Variants in ACOT7 observed in about 807,000 individuals in gnomAD.
The protein encoded by ACOT7 is cytosolic acyl coenzyme A thioester hydrolase.
A neutral mutation model predicts 40.2 loss-of-function variants in ACOT7; 12 were observed. The observed-to-expected ratio is 0.30, with a 90% confidence interval of 0.19 to 0.48. The LOEUF (loss-of-function observed/expected upper bound fraction) is 0.48, where lower values mean the gene tolerates loss of function less well. Ranked by LOEUF, ACOT7 falls within the 20% of genes least tolerant of loss-of-function variation. The pLI, the probability that ACOT7 is intolerant of heterozygous loss-of-function variation, is 0.99. For synonymous variants in ACOT7, 228 were observed against 219.5 expected (o/e 1.04, Z -0.34); for missense variants, 395 against 530.8 (o/e 0.74, Z 2.51).
intron 3 of ACOT7, among the ~76,000 whole-genome samples, chr1:6,337,247 G>A (rs1009870303): frequency 3.3e-5 from 5 of 152,342 alleles, no homozygotes; most frequent in African/African-American, 4.8e-5. Context: ...CTGGGAGGCC[G>A]AGAAGCTCCC....
chr1:6,336,333 C>CAAAAAAAAAAAA (rs3029068), intron 3 of ACOT7, among the ~76,000 whole-genome samples: 17 of 52,766 alleles, frequency 3.2e-4, no homozygotes, highest in African/African-American at 7.8e-4. Context: ...GACTCGGTCT[C>CAAAAAAAAAAAA]AAAAAAAAAA....
chr1:6,342,877 C>A (rs1641313364), intron 2 of ACOT7, among the ~76,000 whole-genome samples: 1 of 152,240 alleles, frequency 6.6e-6, no homozygotes, highest in Non-Finnish European at 1.5e-5. Flanking sequence ...CTCACGGCAT[C>A]CTGACCAACA....
At position 6,342,365 on chromosome 1, in the gene ACOT7, CAT is replaced by C. The variant is rs1338478346; in HGVS notation, c.262-2778_262-2777del. ...CACCCTGGGGGTGAGAATTTCAACA[CAT>C]GAGAGACACGAACACTCAGACGGTG... On this transcript the variant is annotated intron_variant, in intron 2 of 8. Coordinates refer to ENST00000361521, the MANE Select transcript of ACOT7 (RefSeq NM_007274.4). 3.3e-5 allele frequency among the ~76,000 whole-genome samples: 5 copies of C among 152,310 alleles called. No homozygotes were observed. The East Asian group carries it at 9.7e-4, about 29-fold the overall frequency.
rs778013416 is a variant in ACOT7, at chr1:6,299,557, C to T, written c.713-4577G>A. 8.6e-5 allele frequency among the ~76,000 whole-genome samples: 13 copies of T among 151,948 alleles called. No homozygotes were observed. The highest frequency in any genetic ancestry group is 1.2e-4 in the Non-Finnish European group (8 of 67,970). ...ACACACAGAGGGCACAGAGGACAGTCGGCCTCCCCTTACCGGACGCCACAC... is the reference window on the plus strand; with the variant it reads ...ACACACAGAGGGCACAGAGGACAGTTGGCCTCCCCTTACCGGACGCCACAC... On this transcript the variant is annotated intron_variant, in intron 6 of 8. Coordinates refer to ENST00000361521, the MANE Select transcript of ACOT7 (RefSeq NM_007274.4). This position sits in a 1 kb window ranked among gnomAD's most constrained non-coding sequence, Gnocchi z 4.1.
chr1:6,274,260 G>A lies in ACOT7; in HGVS notation c.1014+6842C>T, dbSNP rs1035870368. Among the ~76,000 whole-genome samples, 3 of 152,184 alleles carry A rather than the reference G, an allele frequency of 2.0e-5. No individual in the cohort carries two copies. Among genetic ancestry groups the A allele is most frequent in the African/African-American group, 2.4e-5 (1 of 41,434 alleles). ...AACTTGGGGTAACAGCCTGGCGACGGCTCAAGACAGCCACAGCCAAGAGGC... is the reference window on the plus strand; with the variant it reads ...AACTTGGGGTAACAGCCTGGCGACGACTCAAGACAGCCACAGCCAAGAGGC... On this transcript the variant is annotated intron_variant, in intron 8 of 8. Coordinates refer to ENST00000361521, the MANE Select transcript of ACOT7 (RefSeq NM_007274.4). The surrounding 1 kb of genome is among the most constrained non-coding windows in gnomAD (Gnocchi z 5.9).
chr1:6,347,297 G>C (rs938391315), intron 2 of ACOT7, among the ~76,000 whole-genome samples: 2 of 152,168 alleles, frequency 1.3e-5, no homozygotes, highest in Non-Finnish European at 2.9e-5. Flanking sequence ...TGTCAAAACT[G>C]TCCCTCCAGC....
At position 6,358,116 on chromosome 1, in the gene ACOT7, G is replaced by T. The variant is rs1641798206; in HGVS notation, c.144-8250C>A. On this transcript the variant is annotated intron_variant, in intron 1 of 8. Coordinates refer to ENST00000361521, the MANE Select transcript of ACOT7 (RefSeq NM_007274.4). This position sits in a 1 kb window ranked among gnomAD's most constrained non-coding sequence, Gnocchi z 4.1. ...ACTCCTGACCTCAGTTGATCCACCTGCCTCGGCCTCCCAAAGTGCTGAGAT... is the reference window on the plus strand; with the variant it reads ...ACTCCTGACCTCAGTTGATCCACCTTCCTCGGCCTCCCAAAGTGCTGAGAT... 6.6e-6 allele frequency among the ~76,000 whole-genome samples: 1 copy of T among 152,034 alleles called. No homozygotes were observed. Among genetic ancestry groups the T allele is most frequent in the South Asian group, 2.1e-4 (1 of 4,814 alleles).
intron 4 of ACOT7, among the ~76,000 whole-genome samples, chr1:6,329,787 G>A (rs752085462): frequency 2.0e-5 from 3 of 151,832 alleles, no homozygotes; most frequent in Non-Finnish European, 4.4e-5. Context: ...GAACCTCTTC[G>A]CTAGAGCACA....
At chr1:6,344,377 G>T (rs952664344) in intron 2 of ACOT7, among the ~76,000 whole-genome samples, 1 of 152,186 alleles carries the variant, frequency 6.6e-6, no homozygotes, top group Admixed American at 6.5e-5. Flanking sequence ...ACAGTGCCAC[G>T]GGGACACCTG....
chr1:6,302,710 G>T (rs930775733), intron 6 of ACOT7, among the ~76,000 whole-genome samples: 2 of 151,878 alleles, frequency 1.3e-5, no homozygotes, highest in Non-Finnish European at 2.9e-5. Context: ...CTCTCCTACC[G>T]GCGAGACACA....
At position 6,294,951 on chromosome 1, in the gene ACOT7, C is replaced by T; in HGVS notation, c.742G>A (p.Ala248Thr). ...GVTMKLMDEV[A>T]GIVAARHCKT... The stretch of plus-strand genomic sequence containing the variant: ...CAGTGGCGTGCAGCCACGATCCCGG[C>T]GACCTCATCCATGAGCTTCATGGTC... Residue 248 changes from alanine (A) to threonine (T), a missense_variant, in exon 7 of 9, where the codon GCC becomes ACC. By Grantham distance (58) the Ala-to-Thr change is moderately conservative (BLOSUM62 0). Around this residue, in one of 2 missense-constraint regions of ACOT7, gnomAD observed 309 missense variants for 470.3 expected, o/e 0.66. Coordinates refer to ENST00000361521, the MANE Select transcript of ACOT7 (RefSeq NM_007274.4). The surrounding 1 kb of genome is among the most constrained non-coding windows in gnomAD (Gnocchi z 4.6). 1.9e-6 allele frequency: 3 copies of T among 1,613,982 alleles called. No homozygotes were observed. The highest frequency in any genetic ancestry group is 2.2e-5 in the East Asian group (1 of 44,878).
At chr1:6,269,170 A>G (rs1266198225) in intron 8 of ACOT7, among the ~76,000 whole-genome samples, 2 of 152,250 alleles carry the variant, frequency 1.3e-5, no homozygotes, top group African/African-American at 4.8e-5. Context: ...CCAAAGTGAC[A>G]CAGCGGGTAA....
At position 6,358,928 on chromosome 1, in the gene ACOT7, C is replaced by G; in HGVS notation, c.144-9062G>C. 1 of 1,573,684 alleles carries G rather than the reference C, an allele frequency of 6.4e-7. No individual in the cohort carries two copies. The highest frequency in any genetic ancestry group is 8.6e-7 in the Non-Finnish European group (1 of 1,159,696). ...CACAGAGTCCTTGCCTGACCCAGGA[C>G]TGTCCCAGCTCCCTGCCACACCGGG... On this transcript the variant is annotated intron_variant, in intron 1 of 8. Coordinates refer to ENST00000361521, the MANE Select transcript of ACOT7 (RefSeq NM_007274.4). The surrounding 1 kb of genome is among the most constrained non-coding windows in gnomAD (Gnocchi z 4.1).
intron 6 of ACOT7, among the ~76,000 whole-genome samples, chr1:6,296,327 T>C (rs1369492792): frequency 6.6e-6 from 1 of 152,204 alleles, no homozygotes; most frequent in African/African-American, 2.4e-5. Flanking sequence ...TTTTACTCAG[T>C]CTCTCTTATT....
intron 6 of ACOT7, chr1:6,295,578 A>G (rs1024561928): frequency 1.3e-5 from 2 of 152,316 alleles, no homozygotes; most frequent in African/African-American, 2.4e-5. Flanking sequence ...TGAATGGAGA[A>G]AAAAAATGTG....
At chr1:6,285,464 G>A (rs1004572456) in intron 7 of ACOT7, among the ~76,000 whole-genome samples, 6 of 152,212 alleles carry the variant, frequency 3.9e-5, no homozygotes, top group African/African-American at 1.2e-4. Flanking sequence ...CGTGCTGGCC[G>A]TCACCTGCCC....
At chr1:6,269,345 C>T (rs2148363215) in intron 8 of ACOT7, among the ~76,000 whole-genome samples, 1 of 152,326 alleles carries the variant, frequency 6.6e-6, no homozygotes, top group South Asian at 2.1e-4. Context: ...CTCCCCTCAC[C>T]TCACCCCGGC....
chr1:6,375,983 A>C (rs1164793463), intron 1 of ACOT7, among the ~76,000 whole-genome samples: 1 of 151,178 alleles, frequency 6.6e-6, no homozygotes, highest in Non-Finnish European at 1.5e-5. Context: ...TGCTGGGCGC[A>C]GTGGCTCACG....
At chr1:6,386,727 C>T (rs1642446622) in intron 1 of ACOT7, among the ~76,000 whole-genome samples, 1 of 152,098 alleles carries the variant, frequency 6.6e-6, no homozygotes, top group South Asian at 2.1e-4. Flanking sequence ...GGCACAGAGG[C>T]GTGCACTCGT....
Sources: allele counts gnomAD v4.1 joint callset (sites outside exome capture counted in the v4.1 genomes callset), GRCh38; gene constraint gnomAD v4.1.1; regional missense constraint gnomAD v4.1.1; non-coding constraint Gnocchi (gnomAD v3.1); transcripts MANE v1.5; gene names NCBI Gene and HGNC (gene_info 2026-07-23, HGNC 2026-07-21).